Variants in RAB11FIP3 observed in about 807,000 individuals in gnomAD.
The protein encoded by RAB11FIP3 is RAB11 family interacting protein 3, also known as rab11 family-interacting protein 3.
Under a neutral mutation model 77.8 loss-of-function variants are expected in RAB11FIP3, and 17 were observed. The observed-to-expected ratio is 0.22, with a 90% confidence interval of 0.15 to 0.33. RAB11FIP3 has a LOEUF of 0.33. RAB11FIP3 is among the 10% of genes least tolerant of loss of function. RAB11FIP3 has a pLI of 1.00. For synonymous variants in RAB11FIP3, 437 were observed against 448.2 expected, an observed-to-expected ratio of 0.98 and a Z score of 0.31; for missense variants, 1,005 against 1,011.2, an observed-to-expected ratio of 0.99 and a Z score of 0.08.
intron 1 of RAB11FIP3, among the ~76,000 whole-genome samples, chr16:444,380 T>C (rs762360407): frequency 1.3e-5 from 2 of 152,166 alleles, no homozygotes; most frequent in Non-Finnish European, 2.9e-5. Flanking sequence ...CTGAAGAGTC[T>C]CTCTTTTGTG....
chr16:488,711 C>CT (rs3079539), intron 4 of RAB11FIP3, 140 bp from the exon 5 acceptor site: 57,632 of 569,802 alleles, frequency 0.1, 90 homozygotes, highest in Middle Eastern at 0.13. Context: ...ATCCAGCCCA[C>CT]TTTTTTTTTT....
At chr16:468,595 C>G (rs1376172797) in intron 2 of RAB11FIP3, among the ~76,000 whole-genome samples, 1 of 152,054 alleles carries the variant, frequency 6.6e-6, no homozygotes, top group Non-Finnish European at 1.5e-5. Context: ...CTGTCTGCGT[C>G]GAGGAGTGAC....
At chr16:494,204 T>A (rs1482256076) in intron 5 of RAB11FIP3, among the ~76,000 whole-genome samples, 1 of 151,040 alleles carries the variant, frequency 6.6e-6, no homozygotes, top group Non-Finnish European at 1.5e-5. Flanking sequence ...GAGGTGTATT[T>A]TCAATTATAA....
intron 1 of RAB11FIP3, among the ~76,000 whole-genome samples, chr16:444,192 T>C (rs915670204): frequency 6.6e-6 from 1 of 152,168 alleles, no homozygotes; most frequent in African/African-American, 2.4e-5. Context: ...TCTTTTGTGG[T>C]ATTATCCTTT....
At chr16:438,967 G>A (rs1368787739) in intron 1 of RAB11FIP3, among the ~76,000 whole-genome samples, 1 of 152,190 alleles carries the variant, frequency 6.6e-6, no homozygotes, top group Admixed American at 6.5e-5. Context: ...GATTATAGGC[G>A]TGAACCGCCG....
intron 5 of RAB11FIP3, among the ~76,000 whole-genome samples, chr16:495,876 G>T (rs879374427): frequency 1.3e-5 from 2 of 152,090 alleles, no homozygotes; most frequent in Admixed American, 6.6e-5. Context: ...CCAGCCTCCC[G>T]AGTAGCTGGG....
Position 461,244 on chromosome 16 carries a change from C to T in RAB11FIP3, c.715-160C>T, listed in dbSNP as rs1218352148. 6.6e-6 allele frequency among the ~76,000 whole-genome samples: 1 copy of T among 152,192 alleles called. No homozygotes were observed. The highest frequency in any genetic ancestry group is 1.5e-5 in the Non-Finnish European group (1 of 68,034). On this transcript the variant is annotated intron_variant, in intron 1 of 13. Coordinates refer to ENST00000262305, the MANE Select transcript of RAB11FIP3 (RefSeq NM_014700.4). This position sits in a 1 kb window ranked among gnomAD's most constrained non-coding sequence, Gnocchi z 4.5. ...AGAAGAACCTGATGCTCCTGCTGAT[C>T]TGACAGGAGGGGAGCTCAGGCGGTA... is the stretch of plus-strand genomic sequence containing the variant.
intron 1 of RAB11FIP3, among the ~76,000 whole-genome samples, chr16:428,033 G>A (rs1018900769): frequency 6.6e-6 from 1 of 151,928 alleles, no homozygotes; most frequent in Admixed American, 6.6e-5. Context: ...CCCGGGAGGC[G>A]GAGCTTGCAG....
At chr16:442,477 C>T (rs1393219236) in intron 1 of RAB11FIP3, among the ~76,000 whole-genome samples, 1 of 152,230 alleles carries the variant, frequency 6.6e-6, no homozygotes, top group Non-Finnish European at 1.5e-5. Context: ...CAATGGCCAA[C>T]CAGGAGTGTG....
In RAB11FIP3 at chr16:472,007, C is replaced by G. The variant is rs947528978; in HGVS notation, c.903+618C>G. ...AAGTTGAACTTGAGCCCTTGGGGGC[C>G]GCCGGGAAGGTGGAGGTGGCAGCCG... On this transcript the variant is annotated intron_variant, in intron 3 of 13. Coordinates refer to ENST00000262305, the MANE Select transcript of RAB11FIP3 (RefSeq NM_014700.4). The surrounding 1 kb of genome is among the most constrained non-coding windows in gnomAD (Gnocchi z 4.1). Among the ~76,000 whole-genome samples, 1 of 152,144 alleles carries G rather than the reference C, an allele frequency of 6.6e-6. No individual in the cohort carries two copies. The highest frequency in any genetic ancestry group is 1.5e-5 in the Non-Finnish European group (1 of 68,028).
chr16:448,762 A>C (rs1226196060), intron 1 of RAB11FIP3, among the ~76,000 whole-genome samples: 2 of 149,058 alleles, frequency 1.3e-5, no homozygotes, highest in African/African-American at 4.9e-5. Context: ...AAAAAAATAC[A>C]AAATTAGCCG....
At position 505,129 on chromosome 16, in the gene RAB11FIP3, G is replaced by A. The variant is rs956719073; in HGVS notation, c.1396-395G>A. 1.3e-5 allele frequency among the ~76,000 whole-genome samples: 2 copies of A among 151,320 alleles called. No homozygotes were observed. The highest frequency in any genetic ancestry group is 2.9e-5 in the Non-Finnish European group (2 of 67,890). The stretch of plus-strand genomic sequence containing the variant: ...GTGTGAACTCTCTGAGGGAGGGACC[G>A]AGACATGGATCTGTCTGTCCCTTGC... On this transcript the variant is annotated intron_variant, in intron 7 of 13. Transcript: ENST00000262305. The surrounding 1 kb of genome is among the most constrained non-coding windows in gnomAD (Gnocchi z 4.0).
At chr16:487,373 C>T (rs1479905147) in intron 4 of RAB11FIP3, among the ~76,000 whole-genome samples, 4 of 152,120 alleles carry the variant, frequency 2.6e-5, no homozygotes, top group East Asian at 3.9e-4. Context: ...CTGCCCGCCT[C>T]GGCCTCCCAA....
At chr16:442,324 A>G (rs2055241507) in intron 1 of RAB11FIP3, among the ~76,000 whole-genome samples, 1 of 152,182 alleles carries the variant, frequency 6.6e-6, no homozygotes, top group Non-Finnish European at 1.5e-5. Context: ...GGTTTTTGAA[A>G]TGGGGTTGCT....
intron 2 of RAB11FIP3, among the ~76,000 whole-genome samples, chr16:466,223 G>A (rs572529255): frequency 6.3e-4 from 96 of 152,256 alleles, no homozygotes; most frequent in African/African-American, 2.2e-3. Context: ...CGGGAGTCAG[G>A]GACACAGCCT....
intron 1 of RAB11FIP3, chr16:453,597 T>TTG (rs1555500370): frequency 2.0e-4 from 29 of 148,264 alleles, no homozygotes; most frequent in Non-Finnish European, 1.6e-4. Context: ...TTTTTTTTTT[T>TTG]TTTTTTTTTT....
At chr16:441,295 C>T (rs558252236) in intron 1 of RAB11FIP3, among the ~76,000 whole-genome samples, 1 of 152,288 alleles carries the variant, frequency 6.6e-6, no homozygotes, top group Non-Finnish European at 1.5e-5. Context: ...GGTATTCCCA[C>T]TCACTCAGTA....
intron 6 of RAB11FIP3, among the ~76,000 whole-genome samples, chr16:501,885 C>T (rs1293239966): frequency 6.6e-6 from 1 of 151,136 alleles, no homozygotes; most frequent in African/African-American, 2.4e-5. Context: ...AGATGGTCCC[C>T]CCATTTTATA....
At chr16:441,042 G>A (rs2055216736) in intron 1 of RAB11FIP3, among the ~76,000 whole-genome samples, 2 of 152,220 alleles carry the variant, frequency 1.3e-5, no homozygotes, top group South Asian at 4.2e-4. Context: ...CCAGGTTCAA[G>A]CGATTCTCCC....
Sources: allele counts gnomAD v4.1 joint callset (sites outside exome capture counted in the v4.1 genomes callset), GRCh38; gene constraint gnomAD v4.1.1; non-coding constraint Gnocchi (gnomAD v3.1); transcripts MANE v1.5; gene names NCBI Gene and HGNC (gene_info 2026-07-23, HGNC 2026-07-21).